The following DIDO1 variants were observed in gnomAD, a reference collection of about 807,000 sequenced individuals.
The protein encoded by DIDO1 is death-inducer obliterator 1.
In DIDO1, 16 loss-of-function variants were observed where a neutral mutation model predicts 99.4. The observed-to-expected ratio is 0.16, with a 90% CI of 0.11 to 0.24. The LOEUF (loss-of-function observed/expected upper bound fraction) is 0.24, where lower values mean the gene tolerates loss of function less well. DIDO1 is among the 10% of genes least tolerant of loss of function. The probability of loss-of-function intolerance (pLI) is 1.00; values close to 1 mark genes in which losing one functional copy is unlikely to be tolerated. For synonymous variants in DIDO1, 1,366 were observed against 1,239.1 expected, an observed-to-expected ratio of 1.10 and a Z score of -2.15; for missense variants, 2,996 against 3,014.0, an observed-to-expected ratio of 0.99 and a Z score of 0.14.
chr20:62,904,780 CAAAAAAAAAAAAA>C (rs58039393), intron 6 of DIDO1, among the ~76,000 whole-genome samples: 98 of 62,628 alleles, frequency 1.6e-3, no homozygotes, highest in African/African-American at 4.6e-3. Flanking sequence ...ACTCTTGTCT[CAAAAAAAAAAAAA>C]AAAAAAAAAA....
At chr20:62,932,703 G>A (rs960734892) in intron 1 of DIDO1, among the ~76,000 whole-genome samples, 1 of 151,996 alleles carries the variant, frequency 6.6e-6, no homozygotes, top group Admixed American at 6.6e-5. Flanking sequence ...AGGAGTTAAA[G>A]GTTTTAAAAA....
At chr20:62,920,768 G>A (rs936366194) in intron 1 of DIDO1, among the ~76,000 whole-genome samples, 1 of 152,196 alleles carries the variant, frequency 6.6e-6, no homozygotes, top group Non-Finnish European at 1.5e-5. Flanking sequence ...GAATTCGGAA[G>A]GAGAATCCAG....
upstream of DIDO1, among the ~76,000 whole-genome samples, chr20:62,926,906 G>C (rs28366064): frequency 1.8e-4 from 27 of 152,206 alleles, no homozygotes; most frequent in African/African-American, 5.5e-4. Flanking sequence ...AGAGGTGTAG[G>C]GGGGCGGGGA....
At chr20:62,905,525 G>A in intron 6 of DIDO1, 1 of 1,550,836 alleles carries the variant, frequency 6.4e-7, no homozygotes, top group Non-Finnish European at 8.7e-7. Flanking sequence ...TGTGCAGACA[G>A]GGGTGGATGT....
rs111520535 is a variant in DIDO1 at position 62,893,875 on chromosome 20, G to A, written c.2892C>T (p.Ser964=). The stretch of plus-strand genomic sequence containing the variant: ...TTGGAGCGGTCCTGGGGTCCCGGCC[G>A]GACACTGTGACGGTGGTGACCACCC... ...GSGVVTTVTV[S]GRDPRTAPSS... The change falls in exon 12 of 16, where the codon TCC becomes TCT. Residue 964 remains serine, a synonymous_variant. Coordinates refer to ENST00000395343, the MANE Select transcript of DIDO1 (RefSeq NM_001193369.2). The A allele has an allele frequency of 2.1e-4, 337 of 1,612,364 alleles. 1 individual carries two copies. The African/African-American group carries it at 2.9e-3, about 14-fold the overall frequency.
rs767134932 is a variant in DIDO1, at chr20:62,880,081, G to A, written c.5875C>T (p.Pro1959Ser). Residue 1959 changes from proline (P) to serine (S), a missense_variant, in exon 16 of 16, where the codon CCC becomes TCC. Around this residue, in one of 5 missense-constraint regions of DIDO1, gnomAD observed 1,562 missense variants for 1,412.6 expected, o/e 1.11. Transcript: ENST00000395343. Reference protein sequence around the residue: ...RGQAPNFMPGPRGIQPQQFED... With the variant: ...RGQAPNFMPGSRGIQPQQFED... ...AACTGCTGAGGCTGAATGCCCCTGG[G>A]ACCTGGCATAAAGTTAGGCGCTTGG... is the stretch of plus-strand genomic sequence containing the variant. 1.9e-6 allele frequency: 3 copies of A among 1,612,110 alleles called. No homozygotes were observed. Among genetic ancestry groups the A allele is most frequent in the Non-Finnish European group, 2.5e-6 (3 of 1,179,998 alleles).
chr20:62,887,150 CAG>C (rs2064309669), intron 15 of DIDO1: 5 of 985,492 alleles, frequency 5.1e-6, no homozygotes, highest in Non-Finnish European at 6.0e-6. Flanking sequence ...GGAAAGCAAA[CAG>C]GGGCCTAGGA....
chr20:62,914,508 T>G (rs960481774), intron 1 of DIDO1, 102 bp from the exon 2 acceptor site: 1 of 152,182 alleles, frequency 6.6e-6, no homozygotes, highest in Non-Finnish European at 1.5e-5. Context: ...ATTATTTGAG[T>G]GATACTGTGT....
rs776385031 is a variant in DIDO1 at position 62,893,801 on chromosome 20, G to T, written c.2966C>A (p.Thr989Asn). 1 of 1,614,178 alleles carries T rather than the reference G, an allele frequency of 6.2e-7. No homozygotes were observed. Among genetic ancestry groups the T allele is most frequent in the Admixed American group, 1.7e-5 (1 of 60,018 alleles). ...ATCCTGTCTGGCTTCCACCATGTGG[G>T]TGCTGTCTGGGCGGGATGCTGCGGA... Reference protein sequence around the residue: ...VASAASRPDSTHMVEARQDVP... With the variant: ...VASAASRPDSNHMVEARQDVP... Residue 989 changes from threonine to asparagine, a missense_variant, in exon 12 of 16, where the codon ACC becomes AAC. Physicochemically the swap from Thr to Asn is moderately conservative, Grantham distance 65. Coordinates refer to ENST00000395343, the MANE Select transcript of DIDO1 (RefSeq NM_001193369.2).
At chr20:62,936,513 A>AC (rs1568898335) in intron 1 of DIDO1, among the ~76,000 whole-genome samples, 1 of 144,518 alleles carries the variant, frequency 6.9e-6, no homozygotes, top group African/African-American at 2.6e-5. Flanking sequence ...CGAGATCATG[A>AC]CAGTGCACTC....
intron 12 of DIDO1, 94 bp downstream of exon 12, chr20:62,893,572 T>C (rs2064444661): frequency 7.1e-7 from 1 of 1,404,930 alleles, no homozygotes; most frequent in Non-Finnish European, 9.5e-7. Flanking sequence ...TCAGGTTACA[T>C]TTCCAAGTTC....
In DIDO1 at chr20:62,880,395, T is replaced by A; in HGVS notation, c.5561A>T (p.Glu1854Val). Reference sequence around the variant, plus strand: ...CTCGTTATACGGGGCGTCCTGGAACTCCCTCTTCTCCCCATGGGGATCCTT... The same window carrying A: ...CTCGTTATACGGGGCGTCCTGGAACACCCTCTTCTCCCCATGGGGATCCTT... ...ERKDPHGEKREFQDAPYNEVT... is the reference protein window; with the variant it reads ...ERKDPHGEKRVFQDAPYNEVT... The change falls in exon 16 of 16, where the codon GAG becomes GTG. Residue 1854 changes from glutamate to valine, a missense_variant. Coordinates refer to ENST00000395343, the MANE Select transcript of DIDO1 (RefSeq NM_001193369.2). 1.2e-6 allele frequency: 2 copies of A among 1,612,820 alleles called. No individual in the cohort carries two copies. Among genetic ancestry groups the A allele is most frequent in the Non-Finnish European group, 1.7e-6 (2 of 1,180,018 alleles).
intron 4 of DIDO1, 89 bp downstream of exon 4, chr20:62,909,610 A>G (rs925007089): frequency 7.9e-6 from 12 of 1,521,212 alleles, no homozygotes; most frequent in African/African-American, 1.4e-5. Flanking sequence ...TGGGTGCAGC[A>G]CCCGTCCTGG....
At chr20:62,915,895 T>C (rs1021379647) in intron 1 of DIDO1, among the ~76,000 whole-genome samples, 4 of 152,226 alleles carry the variant, frequency 2.6e-5, no homozygotes, top group African/African-American at 9.6e-5. Context: ...AACACGCTAC[T>C]AGATTTGAGT....
At chr20:62,932,674 G>A (rs1474932108) in intron 1 of DIDO1, among the ~76,000 whole-genome samples, 2 of 152,046 alleles carry the variant, frequency 1.3e-5, no homozygotes, top group Non-Finnish European at 2.9e-5. Flanking sequence ...TGCTAGATAC[G>A]GTTTGTCTCA....
chr20:62,880,947 G>C lies in DIDO1; in HGVS notation c.5009C>G (p.Pro1670Arg), dbSNP rs1193359763. ...LPTPPCGALQ[P>R]GFPLQHDGER... ...ACCGTCGTGCTGCAGCGGGAAGCCGGGCTGCAGGGCGCCGCAAGGCGGTGT... is the reference window on the plus strand; with the variant it reads ...ACCGTCGTGCTGCAGCGGGAAGCCGCGCTGCAGGGCGCCGCAAGGCGGTGT... The change falls in exon 16 of 16, where the codon CCC becomes CGC. Residue 1670 changes from proline to arginine, a missense_variant. Transcript: ENST00000395343. 1.4e-5 allele frequency: 22 copies of C among 1,607,802 alleles called. No individual in the cohort carries two copies. The Admixed American group carries it at 3.7e-4, about 27-fold the overall frequency.
At chr20:62,926,201 C>G (rs2147593082) in intron 1 of DIDO1, among the ~76,000 whole-genome samples, 1 of 152,096 alleles carries the variant, frequency 6.6e-6, no homozygotes, top group South Asian at 2.1e-4. Context: ...CCCACCAGGG[C>G]CGGCGTCTGA....
At chr20:62,889,501 A>G (rs1191825298) in intron 15 of DIDO1, 8 of 985,378 alleles carry the variant, frequency 8.1e-6, no homozygotes, top group Non-Finnish European at 9.6e-6. Flanking sequence ...GTAAAGAAAA[A>G]GTGCTCTTTC....
intron 1 of DIDO1, among the ~76,000 whole-genome samples, chr20:62,917,854 C>T (rs2065067110): frequency 6.6e-6 from 1 of 152,188 alleles, no homozygotes; most frequent in African/African-American, 2.4e-5. Context: ...CCAGAAAAGG[C>T]CTGTACTATT....
Sources: allele counts gnomAD v4.1 joint callset (sites outside exome capture counted in the v4.1 genomes callset), GRCh38; gene constraint gnomAD v4.1.1; regional missense constraint gnomAD v4.1.1; transcripts MANE v1.5; gene names NCBI Gene and HGNC (gene_info 2026-07-23, HGNC 2026-07-21).